The following DSCAML1 variants were observed in gnomAD, a reference collection of about 807,000 sequenced individuals.
The protein encoded by DSCAML1 is DS cell adhesion molecule like 1, also known as cell adhesion molecule DSCAML1.
A neutral mutation model predicts 200.5 loss-of-function variants in DSCAML1; 38 were observed. The ratio of observed to expected loss-of-function variants is 0.19; its 90% confidence interval spans 0.15 to 0.25. DSCAML1 has a LOEUF of 0.25. DSCAML1 is among the 10% of genes least tolerant of loss of function. The pLI, the probability that DSCAML1 is intolerant of heterozygous loss-of-function variation, is 1.00. For synonymous variants in DSCAML1, 1,215 were observed against 1,165.0 expected (o/e 1.04, Z -0.87); for missense variants, 2,223 against 2,858.8 (o/e 0.78, Z 5.07).
upstream of DSCAML1, chr11:117,800,953 C>G (rs2055651506): frequency 6.6e-6 from 1 of 152,068 alleles, no homozygotes; most frequent in Non-Finnish European, 1.5e-5. Context: ...GCTTCATATG[C>G]CCTCTGGAAT....
intron 18 of DSCAML1, among the ~76,000 whole-genome samples, chr11:117,459,166 C>T (rs1200669341): frequency 6.6e-6 from 1 of 152,258 alleles, no homozygotes; most frequent in East Asian, 1.9e-4. Flanking sequence ...ATTGACCTTG[C>T]ACCAACTTCA....
At chr11:117,457,295 G>C (rs1232954156) in intron 19 of DSCAML1, among the ~76,000 whole-genome samples, 1 of 152,242 alleles carries the variant, frequency 6.6e-6, no homozygotes, top group African/African-American at 2.4e-5. Flanking sequence ...GCTCCTTGCA[G>C]GGAGGGGTGA....
At chr11:117,574,086 T>C (rs537928061) in intron 3 of DSCAML1, among the ~76,000 whole-genome samples, 1 of 152,180 alleles carries the variant, frequency 6.6e-6, no homozygotes, top group South Asian at 2.1e-4. Context: ...GGGGCCAGTG[T>C]GTCCACCCAC....
At chr11:117,735,898 C>T (rs535033579) in intron 3 of DSCAML1, among the ~76,000 whole-genome samples, 5 of 152,246 alleles carry the variant, frequency 3.3e-5, no homozygotes, top group Admixed American at 6.5e-5. Context: ...GACCCAGCAC[C>T]CAGCTAAGGG....
chr11:117,799,320 G>T (rs1223500583), upstream of DSCAML1, among the ~76,000 whole-genome samples: 5 of 152,216 alleles, frequency 3.3e-5, no homozygotes, highest in Admixed American at 3.3e-4. Flanking sequence ...GCTGCTGTCT[G>T]CTGGGAGGGG....
intron 3 of DSCAML1, among the ~76,000 whole-genome samples, chr11:117,539,984 C>T (rs1040454691): frequency 1.3e-5 from 2 of 152,218 alleles, no homozygotes; most frequent in Non-Finnish European, 2.9e-5. Flanking sequence ...AACATGGATG[C>T]GTCTTGAGGA....
At chr11:117,567,285 A>T (rs1459849739) in intron 3 of DSCAML1, among the ~76,000 whole-genome samples, 1 of 151,986 alleles carries the variant, frequency 6.6e-6, no homozygotes, top group Non-Finnish European at 1.5e-5. Flanking sequence ...CTGGTGTGAG[A>T]TGGTATCTCA....
intron 3 of DSCAML1, among the ~76,000 whole-genome samples, chr11:117,541,950 T>C (rs2050277314): frequency 6.6e-6 from 1 of 152,220 alleles, no homozygotes; most frequent in South Asian, 2.1e-4. Context: ...ACAGGGCTGC[T>C]GGTTTCAGGA....
intron 3 of DSCAML1, among the ~76,000 whole-genome samples, chr11:117,724,842 G>A (rs193051498): frequency 1.1e-3 from 169 of 152,312 alleles, no homozygotes; most frequent in African/African-American, 3.9e-3. Context: ...AAGGAGCCTG[G>A]AATATGTCAA....
chr11:117,798,484 A>G (rs1262993748), upstream of DSCAML1, among the ~76,000 whole-genome samples: 6 of 152,344 alleles, frequency 3.9e-5, no homozygotes, highest in East Asian at 1.2e-3. Context: ...TTACCATTTC[A>G]ACCATTTGAA....
intron 3 of DSCAML1, among the ~76,000 whole-genome samples, chr11:117,718,368 G>C (rs190558538): frequency 3.9e-5 from 6 of 152,342 alleles, no homozygotes; most frequent in Non-Finnish European, 1.5e-5. Context: ...AGTTGGGGGT[G>C]AAAGGGGTTA....
intron 11 of DSCAML1, among the ~76,000 whole-genome samples, chr11:117,495,753 C>A (rs2137257302): frequency 6.6e-6 from 1 of 152,296 alleles, no homozygotes; most frequent in African/African-American, 2.4e-5. Flanking sequence ...GGACCATCAT[C>A]CTCATCTCTC....
intron 3 of DSCAML1, among the ~76,000 whole-genome samples, chr11:117,715,898 C>T (rs2053944417): frequency 6.6e-6 from 1 of 152,174 alleles, no homozygotes; most frequent in African/African-American, 2.4e-5. Context: ...GATACCAATT[C>T]CTAGTTGGTC....
chr11:117,483,047 C>T (rs1458457463), intron 11 of DSCAML1, among the ~76,000 whole-genome samples: 1 of 152,236 alleles, frequency 6.6e-6, no homozygotes. Flanking sequence ...GGCTGGTCAT[C>T]GGAAGCCCCC....
At chr11:117,533,462 A>G (rs2050116579) in intron 3 of DSCAML1, among the ~76,000 whole-genome samples, 1 of 152,138 alleles carries the variant, frequency 6.6e-6, no homozygotes, top group Non-Finnish European at 1.5e-5. Context: ...TCACTCAACA[A>G]ATGATTATTG....
rs1591503494 is a variant in DSCAML1 at position 117,780,286 on chromosome 11, A to AAGAAAGAAAGAC, written c.364+206_364+207insGTCTTTCTTTCT. On this transcript the variant is annotated intron_variant, in intron 2 of 32. Transcript: ENST00000651296. This position sits in a 1 kb window ranked among gnomAD's most constrained non-coding sequence, Gnocchi z 4.8. ...AAAGAAAGAAAGAAAGAAAGAAAGA[A>AAGAAAGAAAGAC]AGAAAGAAAGAAAGAAAGAGAGAAA... 1.0e-5 allele frequency among the ~76,000 whole-genome samples: 1 copy of AAGAAAGAAAGAC among 96,840 alleles called. No individual in the cohort carries two copies. Among genetic ancestry groups the AAGAAAGAAAGAC allele is most frequent in the South Asian group, 3.9e-4 (1 of 2,536 alleles). The allele number at this position is 96,840 out of a possible 152,430, so 63.5% of individuals were successfully genotyped here. A position where few individuals can be genotyped will look rare whatever the true frequency, so the allele number is the denominator to read the frequency against.
intron 3 of DSCAML1, among the ~76,000 whole-genome samples, chr11:117,548,062 A>C (rs962846576): frequency 6.6e-6 from 1 of 152,174 alleles, no homozygotes; most frequent in Non-Finnish European, 1.5e-5. Context: ...GTGTGGACTG[A>C]GACATGCAAG....
chr11:117,799,820 G>A (rs1392464881), upstream of DSCAML1, among the ~76,000 whole-genome samples: 1 of 152,232 alleles, frequency 6.6e-6, no homozygotes, highest in Non-Finnish European at 1.5e-5. Flanking sequence ...AATAAGACAA[G>A]CCCCATGGCT....
chr11:117,621,839 G>A (rs1205996620), intron 3 of DSCAML1, among the ~76,000 whole-genome samples: 3 of 152,206 alleles, frequency 2.0e-5, no homozygotes, highest in African/African-American at 7.2e-5. Context: ...CCATGTATTA[G>A]CTAGGTGTTG....
Sources: gnomAD v4.1 joint callset for allele counts (sites outside exome capture counted in the v4.1 genomes callset) on GRCh38, gnomAD v4.1.1 for gene constraint, Gnocchi (gnomAD v3.1) non-coding constraint, MANE v1.5 for transcripts, NCBI Gene and HGNC (gene_info 2026-07-23, HGNC 2026-07-21) for gene names.